The following ULK4 variants were observed in gnomAD, a reference collection of about 807,000 sequenced individuals.
ULK4 encodes inactive serine/threonine-protein kinase ULK4.
A neutral mutation model predicts 160.6 loss-of-function variants in ULK4; 133 were observed. The ratio of observed to expected loss-of-function variants is 0.83; its 90% CI spans 0.72 to 0.96. ULK4 has a LOEUF of 0.96. ULK4 is among the 40% of genes least tolerant of loss of function. ULK4 has a pLI of 0.00. For missense variants in ULK4, 1,580 were observed against 1,499.5 expected, an observed-to-expected ratio of 1.05 and a Z score of -0.89; for synonymous variants, 534 against 539.8, an observed-to-expected ratio of 0.99 and a Z score of 0.15.
chr3:41,830,296 T>C (rs1214159297), intron 18 of ULK4, among the ~76,000 whole-genome samples: 1 of 151,874 alleles, frequency 6.6e-6, no homozygotes, highest in South Asian at 2.1e-4. Context: ...TAAAGTATAA[T>C]TTAAAAAAGG....
Position 41,761,321 on chromosome 3 carries a change from A to ACGT in ULK4, c.2194-6834_2194-6833insACG, listed in dbSNP as rs1489113428. Among the ~76,000 whole-genome samples the ACGT allele has an allele frequency of 2.5e-3, 313 of 125,232 alleles. 2 individuals carry two copies. Among genetic ancestry groups the ACGT allele is most frequent in the African/African-American group, 0.012 (292 of 23,942 alleles). 82.2% of individuals were successfully genotyped at this position (125,232 alleles called of 152,430 possible). On this transcript the variant is annotated intron_variant, in intron 21 of 36. Transcript: ENST00000301831. Reference sequence around the variant, plus strand: ...ATACACATAAAATACATTATATACTATGTTATGTTATATATTATCATACAT... The same window carrying ACGT: ...ATACACATAAAATACATTATATACTACGTTGTTATGTTATATATTATCATACAT...
At chr3:41,314,487 T>C (rs551684382) in intron 35 of ULK4, among the ~76,000 whole-genome samples, 3 of 152,350 alleles carry the variant, frequency 2.0e-5, no homozygotes, top group South Asian at 2.1e-4. Context: ...TCACTTAGTA[T>C]AGTGTAGGCT....
intron 35 of ULK4, among the ~76,000 whole-genome samples, chr3:41,343,148 A>T (rs1251756737): frequency 6.6e-6 from 1 of 152,122 alleles, no homozygotes; most frequent in African/African-American, 2.4e-5. Flanking sequence ...ACTCCTATTC[A>T]AGATAGTATT....
intron 22 of ULK4, among the ~76,000 whole-genome samples, chr3:41,748,203 TATAG>T (rs963314371): frequency 4.3e-5 from 6 of 141,152 alleles, no homozygotes; most frequent in African/African-American, 1.8e-4. Context: ...ATATACCATA[TATAG>T]AGAGAGAGGC....
chr3:41,706,844 A>T (rs796436117), intron 25 of ULK4, among the ~76,000 whole-genome samples: 22,822 of 138,490 alleles, frequency 0.16, 5,826 homozygotes, highest in African/African-American at 0.57. Context: ...AAAAAAAAAA[A>T]AAATATGTGT....
In ULK4 at chr3:41,693,555, G is replaced by T. The variant is rs189356118; in HGVS notation, c.2781+11502C>A. 2.6e-3 allele frequency among the ~76,000 whole-genome samples: 394 copies of T among 152,114 alleles called. 1 individual carries two copies. The highest frequency in any genetic ancestry group is 3.5e-3 in the Non-Finnish European group (235 of 67,994). On this transcript the variant is annotated intron_variant, in intron 27 of 36. Transcript: ENST00000301831. ...TTAAATGAAAAGGCAAAATGCAAAA[G>T]AACATATATAGTATGTTACATTCAG...
At chr3:41,268,673 G>A (rs542310778) in intron 35 of ULK4, among the ~76,000 whole-genome samples, 1 of 152,130 alleles carries the variant, frequency 6.6e-6, no homozygotes, top group African/African-American at 2.4e-5. Flanking sequence ...GGGAATGGTG[G>A]TGTGCACCTG....
intron 20 of ULK4, among the ~76,000 whole-genome samples, chr3:41,792,363 A>G (rs1445851168): frequency 6.6e-6 from 1 of 152,180 alleles, no homozygotes; most frequent in East Asian, 1.9e-4. Context: ...ATTGCTGTTT[A>G]TGAAATCAAA....
At chr3:41,528,620 T>C (rs2086197169) in intron 32 of ULK4, among the ~76,000 whole-genome samples, 1 of 152,200 alleles carries the variant, frequency 6.6e-6, no homozygotes, top group Non-Finnish European at 1.5e-5. Flanking sequence ...TGGTTAGCAT[T>C]AATATGAACA....
At chr3:41,456,009 A>G (rs961696806) in intron 33 of ULK4, among the ~76,000 whole-genome samples, 1 of 152,102 alleles carries the variant, frequency 6.6e-6, no homozygotes, top group South Asian at 2.1e-4. Context: ...TCCTGGGTTC[A>G]AGCGATTCTC....
rs143473972 is a variant in ULK4 at position 41,566,050 on chromosome 3, C to G, written c.3201G>C (p.Ser1067=). Reference sequence around the variant, plus strand: ...CTTGTTCATAAAGTAGTTCCATATTCGAATCTTTGCAGGCAACTAGATTGC... The same window carrying G: ...CTTGTTCATAAAGTAGTTCCATATTGGAATCTTTGCAGGCAACTAGATTGC... ...LLSNLVACKD[S]NMELLYEQGL... The change falls in exon 32 of 37, where the codon TCG becomes TCC. Residue 1067 remains serine, a synonymous_variant. Coordinates refer to ENST00000301831, the MANE Select transcript of ULK4 (RefSeq NM_017886.4). 1 of 1,613,446 alleles carries G rather than the reference C, an allele frequency of 6.2e-7. No individual in the cohort carries two copies. The highest frequency in any genetic ancestry group is 1.3e-5 in the African/African-American group (1 of 74,816).
chr3:41,891,600 T>C (rs958298628), intron 16 of ULK4, among the ~76,000 whole-genome samples: 11 of 151,920 alleles, frequency 7.2e-5, no homozygotes, highest in African/African-American at 1.2e-4. Flanking sequence ...AGAGGCCTTC[T>C]TGAAAACAAA....
chr3:41,796,082 G>T (rs563020590), intron 20 of ULK4, among the ~76,000 whole-genome samples: 1 of 152,132 alleles, frequency 6.6e-6, no homozygotes, highest in Non-Finnish European at 1.5e-5. Context: ...GTCAATGAGG[G>T]AAAAGAGTGT....
At chr3:41,876,438 A>G (rs1481900688) in intron 17 of ULK4, among the ~76,000 whole-genome samples, 1 of 152,272 alleles carries the variant, frequency 6.6e-6, no homozygotes, top group Non-Finnish European at 1.5e-5. Context: ...TCATGAGAAT[A>G]CAGAGCACTG....
intron 35 of ULK4, among the ~76,000 whole-genome samples, chr3:41,381,071 A>C (rs568734285): frequency 4.7e-4 from 72 of 151,838 alleles, no homozygotes; most frequent in African/African-American, 1.7e-3. Flanking sequence ...AACACCTTCT[A>C]CTCTTACCTG....
intron 22 of ULK4, among the ~76,000 whole-genome samples, chr3:41,735,698 T>TATTATC (rs2038011776): frequency 6.7e-6 from 1 of 149,622 alleles, no homozygotes; most frequent in African/African-American, 2.5e-5. Flanking sequence ...TTATTATTAT[T>TATTATC]ATTATTATTA....
intron 19 of ULK4, among the ~76,000 whole-genome samples, chr3:41,814,757 C>T (rs1168521420): frequency 6.6e-6 from 1 of 151,920 alleles, no homozygotes; most frequent in East Asian, 1.9e-4. Context: ...TTGCTTTTTG[C>T]CCAAAGCCTA....
intron 32 of ULK4, among the ~76,000 whole-genome samples, chr3:41,511,056 G>A (rs1227645874): frequency 2.0e-5 from 3 of 151,566 alleles, no homozygotes; most frequent in South Asian, 2.1e-4. Context: ...CCAGCTACTC[G>A]GGAGGCTGAG....
intron 20 of ULK4, among the ~76,000 whole-genome samples, chr3:41,799,415 C>T: frequency 6.6e-6 from 1 of 152,120 alleles, no homozygotes; most frequent in South Asian, 2.1e-4. Context: ...GATGCTTGAA[C>T]ATTAAAATGA....
Sources: gnomAD v4.1 joint callset for allele counts (sites outside exome capture counted in the v4.1 genomes callset) on GRCh38, gnomAD v4.1.1 for gene constraint, MANE v1.5 for transcripts, NCBI Gene and HGNC (gene_info 2026-07-23, HGNC 2026-07-21) for gene names.